Variants in CPS1 observed in about 807,000 individuals in gnomAD.
The protein encoded by CPS1 is carbamoyl-phosphate synthase 1.
Under a neutral mutation model 174.6 loss-of-function variants are expected in CPS1, and 109 were observed. The observed-to-expected ratio is 0.62, with a 90% CI of 0.53 to 0.73. The LOEUF is 0.73. Among genes scored for constraint, CPS1 ranks in the 30% least tolerant of loss-of-function variants. CPS1 has a pLI of 0.00. For synonymous variants in CPS1, 637 were observed against 632.0 expected (o/e 1.01, Z -0.12); for missense variants, 1,689 against 1,821.9 (o/e 0.93, Z 1.33).
chr2:210,506,196 A>T (rs1184556836), intron 1 of CPS1, among the ~76,000 whole-genome samples: 1 of 152,130 alleles, frequency 6.6e-6, no homozygotes, highest in Non-Finnish European at 1.5e-5. Flanking sequence ...CTTCCAGAGG[A>T]ACGATCGGGC....
At chr2:210,503,976 A>G (rs539420699) in intron 1 of CPS1, among the ~76,000 whole-genome samples, 1 of 152,260 alleles carries the variant, frequency 6.6e-6, no homozygotes, top group South Asian at 2.1e-4. Flanking sequence ...TTATTCCATA[A>G]AGCTGCCTCT....
intron 6 of CPS1, among the ~76,000 whole-genome samples, chr2:210,583,651 G>T (rs767168594): frequency 1.3e-5 from 2 of 152,104 alleles, no homozygotes; most frequent in Non-Finnish European, 1.5e-5. Context: ...GAAGAGTTAC[G>T]CACAGTTTGG....
chr2:210,597,946 A>G (rs1319120561), intron 13 of CPS1, among the ~76,000 whole-genome samples: 1 of 151,938 alleles, frequency 6.6e-6, no homozygotes, highest in East Asian at 1.9e-4. Flanking sequence ...TTGTTAAAGC[A>G]CTATAGCAAG....
At chr2:210,592,011 C>T (rs377698436) in intron 10 of CPS1, 42 bp downstream of exon 10, 115 of 1,591,902 alleles carry the variant, frequency 7.2e-5, no homozygotes, top group East Asian at 1.1e-4. Flanking sequence ...TGATGAGAAA[C>T]GCAGGGCTTT....
At chr2:210,505,871 A>G (rs1695266833) in intron 1 of CPS1, among the ~76,000 whole-genome samples, 1 of 152,212 alleles carries the variant, frequency 6.6e-6, no homozygotes, top group African/African-American at 2.4e-5. Flanking sequence ...AGGCTTGAGT[A>G]TGTAAAAAAA....
At chr2:210,594,001 C>T (rs1296135017) in intron 11 of CPS1, among the ~76,000 whole-genome samples, 2 of 151,544 alleles carry the variant, frequency 1.3e-5, no homozygotes, top group African/African-American at 4.8e-5. Context: ...TTTGTCTTTC[C>T]AATAATTGCA....
chr2:210,654,268 G>A lies in CPS1; in HGVS notation c.3558+166G>A, dbSNP rs144250438. Among the ~76,000 whole-genome samples the A allele has an allele frequency of 5.9e-5, 9 of 152,256 alleles. No individual in the cohort carries two copies. In the South Asian group the frequency reaches 1.2e-3, roughly 21 times the overall value. ...CAAATTCTCTGACAATTCAGTTGAT[G>A]TGTCATGGGTATCATATTTCCTATG... On this transcript the variant is annotated intron_variant, in intron 29 of 37. Transcript: ENST00000233072.
intron 1 of CPS1, among the ~76,000 whole-genome samples, chr2:210,495,290 A>G (rs759276631): frequency 6.6e-6 from 1 of 152,148 alleles, no homozygotes; most frequent in South Asian, 2.1e-4. Flanking sequence ...TGGATGTCCC[A>G]TCACCCCATC....
At chr2:210,535,398 A>G (rs1002399267) in intron 1 of CPS1, among the ~76,000 whole-genome samples, 3 of 152,118 alleles carry the variant, frequency 2.0e-5, no homozygotes, top group African/African-American at 7.2e-5. Flanking sequence ...AAAGCTTTCT[A>G]TCTACCTTTT....
chr2:210,546,250 T>TATGA (rs1696562278), intron 1 of CPS1, among the ~76,000 whole-genome samples: 2 of 152,118 alleles, frequency 1.3e-5, no homozygotes, highest in Non-Finnish European at 2.9e-5. Flanking sequence ...ACTTATGGAC[T>TATGA]ATGAGAGGTC....
intron 1 of CPS1, among the ~76,000 whole-genome samples, chr2:210,484,958 G>T (rs1694675337): frequency 6.6e-6 from 1 of 152,120 alleles, no homozygotes; most frequent in Non-Finnish European, 1.5e-5. Flanking sequence ...GCCAGGCATG[G>T]TGGCTCACGC....
At chr2:210,632,012 G>A (rs1699886001) in intron 21 of CPS1, among the ~76,000 whole-genome samples, 1 of 152,106 alleles carries the variant, frequency 6.6e-6, no homozygotes, top group Non-Finnish European at 1.5e-5. Context: ...AATATAAATG[G>A]AGTATTCCCT....
chr2:210,539,753 G>C (rs1381095393), intron 1 of CPS1, among the ~76,000 whole-genome samples: 1 of 152,122 alleles, frequency 6.6e-6, no homozygotes, highest in African/African-American at 2.4e-5. Flanking sequence ...AGGGGGTCTG[G>C]TCATTTGTCC....
chr2:210,480,687 C>G (rs939366914), intron 1 of CPS1, among the ~76,000 whole-genome samples: 1 of 152,238 alleles, frequency 6.6e-6, no homozygotes, highest in African/African-American at 2.4e-5. Flanking sequence ...CACACACATA[C>G]AAAATCAAGC....
At chr2:210,600,118 A>AG (rs1285077733) in intron 14 of CPS1, among the ~76,000 whole-genome samples, 2 of 151,854 alleles carry the variant, frequency 1.3e-5, no homozygotes, top group Non-Finnish European at 2.9e-5. Context: ...ATGTCAAAAA[A>AG]AAAAAAAGGA....
intron 5 of CPS1, among the ~76,000 whole-genome samples, chr2:210,581,598 T>C (rs1243658748): frequency 6.6e-6 from 1 of 152,162 alleles, no homozygotes; most frequent in Non-Finnish European, 1.5e-5. Flanking sequence ...GCGACTTGGA[T>C]TATAAAAGTA....
At chr2:210,643,789 A>AT (rs1335400834) in intron 25 of CPS1, among the ~76,000 whole-genome samples, 1 of 152,012 alleles carries the variant, frequency 6.6e-6, no homozygotes, top group Non-Finnish European at 1.5e-5. Context: ...AATATATAGC[A>AT]TTTTTTAGAC....
At chr2:210,631,019 TG>T (rs1370768126) in intron 21 of CPS1, among the ~76,000 whole-genome samples, 3 of 112,568 alleles carry the variant, frequency 2.7e-5, no homozygotes, top group Non-Finnish European at 4.2e-5. Context: ...CCTTTTGGAG[TG>T]TTTTTTTTTT....
chr2:210,630,725 T>A (rs910176048), intron 21 of CPS1, among the ~76,000 whole-genome samples: 1 of 152,226 alleles, frequency 6.6e-6, no homozygotes, highest in Non-Finnish European at 1.5e-5. Context: ...CTTTTCTAAA[T>A]GCCACTTCTA....
Sources: allele counts gnomAD v4.1 joint callset (sites outside exome capture counted in the v4.1 genomes callset), GRCh38; gene constraint gnomAD v4.1.1; transcripts MANE v1.5; gene names NCBI Gene and HGNC (gene_info 2026-07-23, HGNC 2026-07-21).